The following PPFIA2 variants were observed in gnomAD, a reference collection of about 807,000 sequenced individuals.
PPFIA2 encodes liprin-alpha-2.
A neutral mutation model predicts 175.5 loss-of-function variants in PPFIA2; 46 were observed. The observed-to-expected ratio is 0.26, with a 90% CI of 0.21 to 0.34. The LOEUF (loss-of-function observed/expected upper bound fraction) is 0.34. Ranked by LOEUF, PPFIA2 falls within the 10% of genes least tolerant of loss-of-function variation. PPFIA2 has a pLI of 1.00. For synonymous variants in PPFIA2, 568 were observed against 511.4 expected (o/e 1.11, Z -1.49); for missense variants, 1,179 against 1,506.1 (o/e 0.78, Z 3.60).
rs1241349966 is a variant in PPFIA2 at position 81,372,501 on chromosome 12, C to A, written c.1266+2133G>T. On this transcript the variant is annotated intron_variant, in intron 11 of 32. Transcript: ENST00000549396. ...ATCCATAATAAGGAAATATCAGAAA[C>A]AAATTGAAACAGAAAAAAAAAAAAA... Among the ~76,000 whole-genome samples the A allele has an allele frequency of 5.9e-4, 47 of 79,128 alleles. 1 individual carries two copies. The highest frequency in any genetic ancestry group is 1.6e-3 in the South Asian group (4 of 2,478). The allele number at this position is 79,128 out of a possible 152,430, so 51.9% of individuals were successfully genotyped here. A position where few individuals can be genotyped will look rare whatever the true frequency, so the allele number is the denominator to read the frequency against.
Position 81,719,223 on chromosome 12 carries a change from C to T in PPFIA2, c.249+34750G>A, listed in dbSNP as rs2153627342. ...AGAAATATTTATTAGTGGGTTCAGC[C>T]CTCTGTTGTTGGTGTTGTTCAATGT... On this transcript the variant is annotated intron_variant, in intron 3 of 32. Coordinates refer to ENST00000549396, the MANE Select transcript of PPFIA2 (RefSeq NM_003625.5). 1.3e-5 allele frequency among the ~76,000 whole-genome samples: 2 copies of T among 151,456 alleles called. 1 individual carries two copies. The highest frequency in any genetic ancestry group is 4.2e-4 in the South Asian group (2 of 4,806).
intron 4 of PPFIA2, among the ~76,000 whole-genome samples, chr12:81,666,821 G>T (rs541197423): frequency 2.4e-4 from 37 of 152,068 alleles, no homozygotes; most frequent in African/African-American, 8.0e-4. Context: ...TTTGCTCAAG[G>T]TTACAAACAG....
chr12:81,266,587 T>C (rs1318544649), intron 30 of PPFIA2, among the ~76,000 whole-genome samples: 1 of 152,184 alleles, frequency 6.6e-6, no homozygotes, highest in East Asian at 1.9e-4. Flanking sequence ...GATATACTGA[T>C]ATTTAAGAAA....
At chr12:81,634,270 C>T (rs758122286) in intron 4 of PPFIA2, among the ~76,000 whole-genome samples, 19 of 152,104 alleles carry the variant, frequency 1.2e-4, no homozygotes, top group Non-Finnish European at 2.4e-4. Context: ...TAAGGCAAGA[C>T]GTCCCCTCCA....
Position 81,447,836 on chromosome 12 carries a change from A to C in PPFIA2, c.406-2116T>G, listed in dbSNP as rs1399392361. On this transcript the variant is annotated intron_variant, in intron 5 of 32. Transcript: ENST00000549396. ...AATGAGTTAAATTTACATACCTCATATAGTTTTATATATCTCATACAGATT... is the reference window on the plus strand; with the variant it reads ...AATGAGTTAAATTTACATACCTCATCTAGTTTTATATATCTCATACAGATT... Among the ~76,000 whole-genome samples, 10 of 152,294 alleles carry C rather than the reference A, an allele frequency of 6.6e-5. No homozygotes were observed. In the South Asian group the frequency reaches 1.9e-3, roughly 28 times the overall value.
chr12:81,453,640 T>A (rs2053062221), intron 5 of PPFIA2, among the ~76,000 whole-genome samples: 1 of 152,128 alleles, frequency 6.6e-6, no homozygotes, highest in Admixed American at 6.5e-5. Flanking sequence ...ATATCCACTA[T>A]AATTTTTTGA....
chr12:81,558,707 G>A (rs943204102), intron 4 of PPFIA2, among the ~76,000 whole-genome samples: 7 of 152,106 alleles, frequency 4.6e-5, no homozygotes, highest in African/African-American at 1.7e-4. Flanking sequence ...TTGAAGAGGT[G>A]GCTATGTATT....
chr12:81,615,194 G>A (rs1028026370), intron 4 of PPFIA2, among the ~76,000 whole-genome samples: 1 of 152,196 alleles, frequency 6.6e-6, no homozygotes, highest in Admixed American at 6.5e-5. Context: ...GCTTTGGTCT[G>A]AGCAGCTGCT....
At chr12:81,373,212 T>C (rs932743635) in intron 11 of PPFIA2, among the ~76,000 whole-genome samples, 1 of 151,854 alleles carries the variant, frequency 6.6e-6, no homozygotes, top group African/African-American at 2.4e-5. Context: ...TGATAATTAT[T>C]TTAAGCTACA....
At chr12:81,599,365 C>T (rs2059569991) in intron 4 of PPFIA2, among the ~76,000 whole-genome samples, 1 of 151,980 alleles carries the variant, frequency 6.6e-6, no homozygotes, top group Admixed American at 6.6e-5. Flanking sequence ...AAGTTTATAA[C>T]ATCAATGGAA....
intron 28 of PPFIA2, among the ~76,000 whole-genome samples, chr12:81,276,268 G>C (rs1008041604): frequency 6.6e-6 from 1 of 152,178 alleles, no homozygotes; most frequent in Admixed American, 6.5e-5. Flanking sequence ...AGTCTCAGAA[G>C]GGTGGGAGGC....
intron 4 of PPFIA2, among the ~76,000 whole-genome samples, chr12:81,605,721 T>G (rs1320675899): frequency 1.3e-5 from 2 of 151,888 alleles, no homozygotes; most frequent in Non-Finnish European, 2.9e-5. Flanking sequence ...CTATCTCTAT[T>G]TAATCTATCT....
chr12:81,624,344 T>A (rs1010833639), intron 4 of PPFIA2, among the ~76,000 whole-genome samples: 1 of 150,440 alleles, frequency 6.6e-6, no homozygotes, highest in Admixed American at 6.7e-5. Context: ...ATAATCTGTA[T>A]GTTACTCTAG....
chr12:81,389,339 T>C (rs1363319484), intron 8 of PPFIA2, among the ~76,000 whole-genome samples: 1 of 151,746 alleles, frequency 6.6e-6, no homozygotes, highest in Non-Finnish European at 1.5e-5. Context: ...TTGCATACTT[T>C]TAAATGGGCT....
chr12:81,373,935 G>A (rs2141654293), intron 11 of PPFIA2, among the ~76,000 whole-genome samples: 1 of 152,076 alleles, frequency 6.6e-6, no homozygotes, highest in East Asian at 1.9e-4. Flanking sequence ...ACAAAATGTA[G>A]TTTTATATAA....
chr12:81,320,096 G>C (rs1221552670), intron 22 of PPFIA2, among the ~76,000 whole-genome samples: 1 of 151,934 alleles, frequency 6.6e-6, no homozygotes, highest in Non-Finnish European at 1.5e-5. Context: ...TGTATTAAAT[G>C]AAAGAATATT....
rs879540363 is a variant in PPFIA2, at chr12:81,728,395, T to C, written c.249+25578A>G. On this transcript the variant is annotated intron_variant, in intron 3 of 32. Transcript: ENST00000549396. ...AGTAAAAATCTTCCTTCCCCAAACATCTTTATGCTCAGTCTCACTCCCCAC... is the reference window on the plus strand; with the variant it reads ...AGTAAAAATCTTCCTTCCCCAAACACCTTTATGCTCAGTCTCACTCCCCAC... 2.0e-5 allele frequency among the ~76,000 whole-genome samples: 3 copies of C among 151,432 alleles called. No homozygotes were observed. In the Admixed American group the frequency reaches 2.0e-4, roughly 10 times the overall value.
chr12:81,493,754 CTATATATATATA>C lies in PPFIA2; in HGVS notation c.304-35900_304-35889del, dbSNP rs5799531. Among the ~76,000 whole-genome samples the C allele has an allele frequency of 2.5e-3, 258 of 102,104 alleles. 2 individuals carry two copies. The highest frequency in any genetic ancestry group is 3.5e-3 in the Non-Finnish European group (180 of 51,846). 67.0% of individuals were successfully genotyped at this position (102,104 alleles called of 152,430 possible). A position where few individuals can be genotyped will look rare whatever the true frequency, so the allele number is the denominator to read the frequency against. ...TTTGTGTGTGTGTGTGTGTGTGTGT[CTATATATATATA>C]TATATATATATATATATATATACAC... On this transcript the variant is annotated intron_variant, in intron 4 of 32. Coordinates refer to ENST00000549396, the MANE Select transcript of PPFIA2 (RefSeq NM_003625.5).
intron 4 of PPFIA2, among the ~76,000 whole-genome samples, chr12:81,585,722 C>T (rs1237837009): frequency 6.6e-6 from 1 of 151,806 alleles, no homozygotes; most frequent in Non-Finnish European, 1.5e-5. Flanking sequence ...GAGACTATTT[C>T]ACAGTTAAGT....
Sources: gnomAD v4.1 joint callset for allele counts (sites outside exome capture counted in the v4.1 genomes callset) on GRCh38, gnomAD v4.1.1 for gene constraint, MANE v1.5 for transcripts, NCBI Gene and HGNC (gene_info 2026-07-23, HGNC 2026-07-21) for gene names.